ARL5B: variants seen among roughly 807,000 people sequenced by gnomAD.
ARL5B encodes ADP-ribosylation factor-like protein 5B.
ARL5B carries 10 observed loss-of-function variants against 26.9 expected under a neutral mutation model. The ratio of observed to expected loss-of-function variants is 0.37; its 90% CI spans 0.23 to 0.63. ARL5B has a LOEUF of 0.63. Ranked by LOEUF, ARL5B falls within the 30% of genes least tolerant of loss-of-function variation. ARL5B has a pLI of 0.62. For synonymous variants in ARL5B, 87 were observed against 70.4 expected (o/e 1.24, Z -1.18); for missense variants, 167 against 213.9 (o/e 0.78, Z 1.37).
chr10:18,660,041 G>A (rs966948456), intron 1 of ARL5B: 2 of 804,896 alleles, frequency 2.5e-6, no homozygotes, highest in African/African-American at 1.9e-5. Context: ...CAGGATAAGT[G>A]TCCGCCCAGA....
chr10:18,676,406 C>A lies in ARL5B; in HGVS notation c.*1190C>A, dbSNP rs1187888338. ...TAATAGGAGACTCAAAGTTAATATT[C>A]TTAACAACTTAAAATTAAAAAAAGT... is the stretch of plus-strand genomic sequence containing the variant. On this transcript the variant is annotated 3_prime_UTR_variant, in exon 6 of 6. Coordinates refer to ENST00000377275, the MANE Select transcript of ARL5B (RefSeq NM_178815.5). 6.7e-6 allele frequency: 1 copy of A among 149,702 alleles called. No individual in the cohort carries two copies. The highest frequency in any genetic ancestry group is 2.4e-5 in the African/African-American group (1 of 41,290). 9.3% of individuals were successfully genotyped at this position (149,702 alleles called of 1,614,324 possible).
intron 3 of ARL5B, among the ~76,000 whole-genome samples, chr10:18,669,768 G>A (rs771509090): frequency 2.6e-5 from 4 of 151,774 alleles, no homozygotes; most frequent in Non-Finnish European, 5.9e-5. Flanking sequence ...CGAGGCGGGT[G>A]GATCATGAGG....
chr10:18,665,880 A>G (rs935103605), intron 1 of ARL5B, among the ~76,000 whole-genome samples: 1 of 152,222 alleles, frequency 6.6e-6, no homozygotes, highest in Non-Finnish European at 1.5e-5. Flanking sequence ...TAATTAGATG[A>G]GCTTTAGCAA....
intron 2 of ARL5B, among the ~76,000 whole-genome samples, chr10:18,667,728 AACACAC>A (rs142643032): frequency 6.7e-6 from 1 of 149,738 alleles, no homozygotes; most frequent in Admixed American, 6.7e-5. Flanking sequence ...CACACACACA[AACACAC>A]ACACACACAT....
At chr10:18,672,921 G>A (rs985703512) in intron 4 of ARL5B, among the ~76,000 whole-genome samples, 3 of 152,014 alleles carry the variant, frequency 2.0e-5, no homozygotes, top group Admixed American at 1.3e-4. Context: ...GATTACTACT[G>A]TTATTGTAAA....
intron 1 of ARL5B, among the ~76,000 whole-genome samples, chr10:18,665,656 G>T (rs950924753): frequency 6.6e-6 from 1 of 152,158 alleles, no homozygotes; most frequent in African/African-American, 2.4e-5. Context: ...TATGAGATGT[G>T]CCCAATCGTT....
chr10:18,673,883 C>A, intron 4 of ARL5B, 101 bp from the exon 5 acceptor site: 3 of 1,029,034 alleles, frequency 2.9e-6, no homozygotes, highest in East Asian at 3.0e-5. Flanking sequence ...AATACTAGTG[C>A]CCGATTATGT....
chr10:18,678,455 G>T lies in ARL5B; in HGVS notation c.*3239G>T, dbSNP rs1590231746. The T allele has an allele frequency of 6.6e-6, 1 of 151,816 alleles. No individual in the cohort carries two copies. Among genetic ancestry groups the T allele is most frequent in the East Asian group, 1.9e-4 (1 of 5,178 alleles). The allele number at this position is 151,816 out of a possible 1,614,324, so 9.4% of individuals were successfully genotyped here. On this transcript the variant is annotated 3_prime_UTR_variant, in exon 6 of 6. Transcript: ENST00000377275. The stretch of plus-strand genomic sequence containing the variant: ...AACAATATTCTCTGAAAAGTTGTGG[G>T]GGTCACAAAGAAAATTTTAAAGAAT...
chr10:18,661,210 T>C (rs772958514), intron 1 of ARL5B, among the ~76,000 whole-genome samples: 1 of 152,248 alleles, frequency 6.6e-6, no homozygotes, highest in Non-Finnish European at 1.5e-5. Flanking sequence ...TCACCAGTTT[T>C]CTCTTTCCCC....
chr10:18,666,001 A>G (rs1446882909), intron 1 of ARL5B, among the ~76,000 whole-genome samples: 1 of 152,234 alleles, frequency 6.6e-6, no homozygotes, highest in East Asian at 1.9e-4. Flanking sequence ...AAAGAACTGT[A>G]GAAGCCGGTT....
Position 18,675,153 on chromosome 10 carries a change from C to T in ARL5B, c.492-15C>T, listed in dbSNP as rs767474789. The T allele has an allele frequency of 6.2e-7, 1 of 1,610,196 alleles. No individual in the cohort carries two copies. Among genetic ancestry groups the T allele is most frequent in the Non-Finnish European group, 8.5e-7 (1 of 1,177,406 alleles). ...ATAAGGTTTTTAATTAAAAATACTT[C>T]TATCTTTTGTTTAGGTTATGCCAAG... On this transcript the variant is annotated splice_polypyrimidine_tract_variant and intron_variant, in intron 5 of 5. Transcript: ENST00000377275.
intron 1 of ARL5B, among the ~76,000 whole-genome samples, chr10:18,661,020 T>G (rs2059832754): frequency 6.6e-6 from 1 of 152,088 alleles, no homozygotes. Flanking sequence ...GGCCTATTTT[T>G]GTATCTTTAG....
At chr10:18,670,481 T>C (rs2131643810) in intron 3 of ARL5B, among the ~76,000 whole-genome samples, 1 of 152,100 alleles carries the variant, frequency 6.6e-6, no homozygotes, top group East Asian at 1.9e-4. Context: ...CATGGTGGCA[T>C]GTGCCTGTAG....
chr10:18,679,698 T>C lies in ARL5B; in HGVS notation c.*4482T>C, dbSNP rs1167160580. 1 of 151,950 alleles carries C rather than the reference T, an allele frequency of 6.6e-6. No homozygotes were observed. Among genetic ancestry groups the C allele is most frequent in the Non-Finnish European group, 1.5e-5 (1 of 67,872 alleles). 9.4% of individuals were successfully genotyped at this position (151,950 alleles called of 1,614,324 possible). A position where few individuals can be genotyped will look rare whatever the true frequency, so the allele number is the denominator to read the frequency against. The stretch of plus-strand genomic sequence containing the variant: ...AAGGCAGCTTTAAATGTATATAGTT[T>C]GGTGAAACATTTGGGAAATATTAAT... On this transcript the variant is annotated 3_prime_UTR_variant, in exon 6 of 6. Coordinates refer to ENST00000377275, the MANE Select transcript of ARL5B (RefSeq NM_178815.5).
rs1481359983 is a variant in ARL5B at position 18,677,955 on chromosome 10, G to C, written c.*2739G>C. Reference sequence around the variant, plus strand: ...TTAAATTTTAACAGAAATCTTTTAAGTATGTTATAACCAAAGTGTTCAATT... The same window carrying C: ...TTAAATTTTAACAGAAATCTTTTAACTATGTTATAACCAAAGTGTTCAATT... On this transcript the variant is annotated 3_prime_UTR_variant, in exon 6 of 6. Coordinates refer to ENST00000377275, the MANE Select transcript of ARL5B (RefSeq NM_178815.5). 6.6e-6 allele frequency: 1 copy of C among 151,730 alleles called. No homozygotes were observed. The highest frequency in any genetic ancestry group is 6.6e-5 in the Admixed American group (1 of 15,206). 9.4% of individuals were successfully genotyped at this position (151,730 alleles called of 1,614,324 possible). A position where few individuals can be genotyped will look rare whatever the true frequency, so the allele number is the denominator to read the frequency against.
rs10645351 is a variant in ARL5B at position 18,663,546 on chromosome 10, C to CTTTT, written c.47-3012_47-3009dup. Among the ~76,000 whole-genome samples the CTTTT allele has an allele frequency of 1.0e-2, 976 of 97,884 alleles. 12 individuals are homozygous for CTTTT. Among genetic ancestry groups the CTTTT allele is most frequent in the Middle Eastern group, 0.019 (2 of 106 alleles). 64.2% of individuals were successfully genotyped at this position (97,884 alleles called of 152,430 possible). A position where few individuals can be genotyped will look rare whatever the true frequency, so the allele number is the denominator to read the frequency against. On this transcript the variant is annotated intron_variant, in intron 1 of 5. Coordinates refer to ENST00000377275, the MANE Select transcript of ARL5B (RefSeq NM_178815.5). ...ATTTCTCTCTTTAGCTTATTCTGCT[C>CTTTT]TTTTTTTTTTTTTTTTTTTTGAGAT...
chr10:18,680,044 A>G lies in ARL5B; in HGVS notation c.*4828A>G, dbSNP rs2059926054. 6.6e-6 allele frequency: 1 copy of G among 152,020 alleles called. No homozygotes were observed. Among genetic ancestry groups the G allele is most frequent in the Non-Finnish European group, 1.5e-5 (1 of 67,896 alleles). The allele number at this position is 152,020 out of a possible 1,614,324, so 9.4% of individuals were successfully genotyped here. A position where few individuals can be genotyped will look rare whatever the true frequency, so the allele number is the denominator to read the frequency against. On this transcript the variant is annotated 3_prime_UTR_variant, in exon 6 of 6. Coordinates refer to ENST00000377275, the MANE Select transcript of ARL5B (RefSeq NM_178815.5). ...CAGTAATCTACATTTTCTCCTGGAA[A>G]TGGAGAAATATGAAATGTGCTGTGC...
At chr10:18,673,729 A>G (rs1420388078) in intron 4 of ARL5B, among the ~76,000 whole-genome samples, 1 of 151,618 alleles carries the variant, frequency 6.6e-6, no homozygotes, top group Non-Finnish European at 1.5e-5. Context: ...TTAATTATGT[A>G]TTTTTGAGTC....
rs1419864575 is a variant in ARL5B, at chr10:18,679,396, A to C, written c.*4180A>C. ...CTTTCCATATTGAAAGAGTAGGGTT[A>C]GTAGCCAGGTTGTCAGTCTTTTACA... On this transcript the variant is annotated 3_prime_UTR_variant, in exon 6 of 6. Coordinates refer to ENST00000377275, the MANE Select transcript of ARL5B (RefSeq NM_178815.5). 3 of 151,942 alleles carry C rather than the reference A, an allele frequency of 2.0e-5. No individual in the cohort carries two copies. The highest frequency in any genetic ancestry group is 7.2e-5 in the African/African-American group (3 of 41,436). 9.4% of individuals were successfully genotyped at this position (151,942 alleles called of 1,614,324 possible).
Sources: gnomAD v4.1 joint callset for allele counts (sites outside exome capture counted in the v4.1 genomes callset) on GRCh38, gnomAD v4.1.1 for gene constraint, MANE v1.5 for transcripts, NCBI Gene and HGNC (gene_info 2026-07-23, HGNC 2026-07-21) for gene names.